DUSP10: variants seen among roughly 807,000 people sequenced by gnomAD.
DUSP10 encodes the protein dual specificity phosphatase 10.
In DUSP10, 14 loss-of-function variants were observed where a neutral mutation model predicts 30.8. That is an observed-to-expected ratio of 0.46 (90% CI 0.30 to 0.71). The LOEUF is 0.71. DUSP10 is among the 30% of genes least tolerant of loss of function. DUSP10 has a pLI of 0.08. For synonymous variants in DUSP10, 254 were observed against 250.4 expected, an observed-to-expected ratio of 1.01 and a Z score of -0.14; for missense variants, 550 against 619.4, an observed-to-expected ratio of 0.89 and a Z score of 1.19.
At chr1:221,709,670 AAAC>A (rs952066945) in intron 2 of DUSP10, among the ~76,000 whole-genome samples, 14 of 152,158 alleles carry the variant, frequency 9.2e-5, no homozygotes, top group African/African-American at 3.1e-4. Flanking sequence ...TTAAAGTAAA[AAAC>A]AACGAGTGGA....
At chr1:221,710,886 G>A (rs1036971832) in intron 2 of DUSP10, among the ~76,000 whole-genome samples, 2 of 151,978 alleles carry the variant, frequency 1.3e-5, no homozygotes, top group Non-Finnish European at 2.9e-5. Flanking sequence ...AGAGCCTGCA[G>A]TTATTAGTGC....
intron 2 of DUSP10, among the ~76,000 whole-genome samples, chr1:221,720,002 C>T (rs1271250606): frequency 6.6e-6 from 1 of 152,168 alleles, no homozygotes; most frequent in Non-Finnish European, 1.5e-5. Context: ...TGTGTAAAGC[C>T]TGGGTGCTCT....
At chr1:221,722,725 C>T (rs557618161) in intron 2 of DUSP10, among the ~76,000 whole-genome samples, 1 of 152,208 alleles carries the variant, frequency 6.6e-6, no homozygotes, top group African/African-American at 2.4e-5. Context: ...TTTCTAGGAG[C>T]TGGTGACCTA....
intron 2 of DUSP10, among the ~76,000 whole-genome samples, chr1:221,713,474 A>G (rs67717154): frequency 0.27 from 40,702 of 152,140 alleles, 6,321 homozygotes; most frequent in African/African-American, 0.42. Context: ...CTAAAAATAT[A>G]TGCATACTTC....
At chr1:221,724,013 C>A (rs1241783494) in intron 2 of DUSP10, among the ~76,000 whole-genome samples, 2 of 152,330 alleles carry the variant, frequency 1.3e-5, no homozygotes, top group Non-Finnish European at 2.9e-5. Context: ...AACATAAACA[C>A]AGGTGTGATC....
intron 2 of DUSP10, among the ~76,000 whole-genome samples, chr1:221,731,112 A>G (rs895585379): frequency 6.6e-6 from 1 of 152,232 alleles, no homozygotes; most frequent in Non-Finnish European, 1.5e-5. Context: ...TCTACAGTAT[A>G]TATAATAGAA....
At chr1:221,733,559 A>G (rs1037802376) in intron 2 of DUSP10, among the ~76,000 whole-genome samples, 1 of 152,182 alleles carries the variant, frequency 6.6e-6, no homozygotes, top group Non-Finnish European at 1.5e-5. Context: ...ATCCTCCCCA[A>G]TACCCCTGCC....
intron 2 of DUSP10, among the ~76,000 whole-genome samples, chr1:221,713,322 G>C (rs992205843): frequency 9.2e-5 from 14 of 152,142 alleles, no homozygotes; most frequent in African/African-American, 3.4e-4. Flanking sequence ...GCAGAGTGGG[G>C]GTTGGGGCTG....
rs573301923 is a variant in DUSP10 at position 221,717,701 on chromosome 1, G to T, written c.812-11235C>A. On this transcript the variant is annotated intron_variant, in intron 2 of 3. Coordinates refer to ENST00000366899, the MANE Select transcript of DUSP10 (RefSeq NM_007207.6). ...TGTGATGGGAGTAGTACCTTTATAAGAAGAGACAACACAGAGCTTGCTGTC... is the reference window on the plus strand; with the variant it reads ...TGTGATGGGAGTAGTACCTTTATAATAAGAGACAACACAGAGCTTGCTGTC... Among the ~76,000 whole-genome samples, 7 of 152,232 alleles carry T rather than the reference G, an allele frequency of 4.6e-5. 1 individual carries two copies. The highest frequency in any genetic ancestry group is 1.7e-4 in the African/African-American group (7 of 41,526).
At chr1:221,735,567 A>G (rs764059877) in intron 2 of DUSP10, among the ~76,000 whole-genome samples, 18 of 152,262 alleles carry the variant, frequency 1.2e-4, no homozygotes, top group Non-Finnish European at 2.1e-4. Flanking sequence ...ATTTCAACAG[A>G]AAAGAGAAAG....
chr1:221,730,298 C>T (rs915785140), intron 2 of DUSP10, among the ~76,000 whole-genome samples: 2 of 152,136 alleles, frequency 1.3e-5, no homozygotes, highest in Non-Finnish European at 2.9e-5. Context: ...TAAGATCAGT[C>T]GAGTTCGCAT....
chr1:221,718,346 T>C (rs1558120841), intron 2 of DUSP10, among the ~76,000 whole-genome samples: 1 of 152,176 alleles, frequency 6.6e-6, no homozygotes, highest in Non-Finnish European at 1.5e-5. Context: ...ATATTTTAGC[T>C]GGAGACATTC....
At chr1:221,735,795 G>A (rs1411259480) in intron 2 of DUSP10, among the ~76,000 whole-genome samples, 6 of 152,218 alleles carry the variant, frequency 3.9e-5, no homozygotes, top group Non-Finnish European at 5.9e-5. Context: ...AAGGGAGCCT[G>A]AAAAACTTTA....
Position 221,706,233 on chromosome 1 carries a change from C to A in DUSP10, c.1045G>T (p.Gly349Cys). Residue 349 changes from glycine (G) to cysteine (C), a missense_variant, in exon 3 of 4, where the codon GGC (glycine) becomes TGC (cysteine). Physicochemically the swap from Gly to Cys is radical, Grantham distance 159. Transcript: ENST00000366899. This position sits in a 1 kb window ranked among gnomAD's most constrained non-coding sequence, Gnocchi z 4.6. ...DLDTMQRLNI[G>C]YVINVTTHLP... ...TGAGTGGTGACGTTGATGACGTAGC[C>A]GATGTTCAGCCGCTGCATGGTGTCC... is the stretch of plus-strand genomic sequence containing the variant. The A allele has an allele frequency of 6.2e-7, 1 of 1,614,008 alleles. No individual in the cohort carries two copies. The highest frequency in any genetic ancestry group is 8.5e-7 in the Non-Finnish European group (1 of 1,179,996).
intron 2 of DUSP10, among the ~76,000 whole-genome samples, chr1:221,707,615 A>G (rs1660805301): frequency 6.6e-6 from 1 of 152,208 alleles, no homozygotes; most frequent in Non-Finnish European, 1.5e-5. Flanking sequence ...TCATCTAACC[A>G]AAGATAGTTA....
chr1:221,739,397 C>T lies in DUSP10; in HGVS notation c.348G>A (p.Gln116=). The T allele has an allele frequency of 6.2e-7, 1 of 1,614,172 alleles. No individual in the cohort carries two copies. Among genetic ancestry groups the T allele is most frequent in the Non-Finnish European group, 8.5e-7 (1 of 1,180,024 alleles). Residue 116 remains glutamine (Q), a synonymous_variant, in exon 2 of 4, where the codon CAG becomes CAA. Transcript: ENST00000366899. ...IGTSTTCPAN[Q]MVNNNENTGS... is the part of the protein sequence containing the mutation. The stretch of plus-strand genomic sequence containing the variant: ...CTGTATTCTCATTATTGTTGACCAT[C>T]TGGTTAGCAGGGCAGGTGGTAGAGG...
chr1:221,722,656 G>A (rs1361603275), intron 2 of DUSP10, among the ~76,000 whole-genome samples: 2 of 152,124 alleles, frequency 1.3e-5, no homozygotes, highest in African/African-American at 4.8e-5. Flanking sequence ...GTTTATGTTG[G>A]ACTTTTCTTA....
chr1:221,721,273 A>T (rs906406626), intron 2 of DUSP10, among the ~76,000 whole-genome samples: 1 of 152,248 alleles, frequency 6.6e-6, no homozygotes, highest in African/African-American at 2.4e-5. Context: ...TAAAGCATCT[A>T]TTATATGCTG....
rs1332291060 is a variant in DUSP10 at position 221,739,677 on chromosome 1, A to G, written c.68T>C (p.Leu23Pro). The change falls in exon 2 of 4, where the codon CTC becomes CCC. Residue 23 changes from leucine (L) to proline (P), a missense_variant. By Grantham distance (98) the Leu-to-Pro change is moderately conservative. Coordinates refer to ENST00000366899, the MANE Select transcript of DUSP10 (RefSeq NM_007207.6). ...ALSRPVRPQDLNLCLDSSYLG... is the reference protein window; with the variant it reads ...ALSRPVRPQDPNLCLDSSYLG... ...GTAACTAGAGTCTAAACAAAGGTTG[A>G]GATCCTGAGGTCGGACGGGCCTAGA... The G allele has an allele frequency of 6.2e-7, 1 of 1,614,152 alleles. No individual in the cohort carries two copies. The highest frequency in any genetic ancestry group is 8.5e-7 in the Non-Finnish European group (1 of 1,180,024).
Sources: gnomAD v4.1 joint callset for allele counts (sites outside exome capture counted in the v4.1 genomes callset) on GRCh38, gnomAD v4.1.1 for gene constraint, Gnocchi (gnomAD v3.1) non-coding constraint, MANE v1.5 for transcripts, NCBI Gene and HGNC (gene_info 2026-07-23, HGNC 2026-07-21) for gene names.